GSG1: variants seen among roughly 807,000 people sequenced by gnomAD.
The protein encoded by GSG1 is germ cell-specific gene 1 protein.
A neutral mutation model predicts 30.8 loss-of-function variants in GSG1; 28 were observed. The observed-to-expected ratio is 0.91, with a 90% confidence interval of 0.67 to 1.25. The LOEUF (loss-of-function observed/expected upper bound fraction) is 1.25. GSG1 is among the 50% of genes most tolerant of loss of function. GSG1 has a pLI of 0.00. For synonymous variants in GSG1, 162 were observed against 178.0 expected (o/e 0.91, Z 0.71); for missense variants, 435 against 444.7 (o/e 0.98, Z 0.20).
Position 13,090,502 on chromosome 12 carries a change from C to T in GSG1, c.364+1G>A. ...CTCTTATATCCCAGAATGTAGGCTA[C>T]CTGGTTCTTCCACAGTTTCCTCACA... On this transcript the variant is annotated splice_donor_variant, in intron 2 of 6. Coordinates refer to ENST00000651961, the MANE Select transcript of GSG1 (RefSeq NM_001080555.4). LOFTEE classifies it high-confidence loss of function. 1 of 1,605,766 alleles carries T rather than the reference C, an allele frequency of 6.2e-7. No homozygotes were observed.
chr12:13,089,404 G>A, intron 2 of GSG1, 128 bp from the exon 3 acceptor site: 1 of 1,474,262 alleles, frequency 6.8e-7, no homozygotes, highest in Non-Finnish European at 9.1e-7. Context: ...GGCATTAGAA[G>A]AACTTTAGTA....
chr12:13,085,091 C>T lies in GSG1; in HGVS notation c.899G>A (p.Arg300Gln), dbSNP rs545591892. 37 of 1,613,552 alleles carry T rather than the reference C, an allele frequency of 2.3e-5. 1 individual carries two copies. The highest frequency in any genetic ancestry group is 5.3e-5 in the African/African-American group (4 of 74,998). The change falls in exon 7 of 7, where the codon CGG becomes CAG. Residue 300 changes from arginine (R) to glutamine (Q), a missense_variant. Transcript: ENST00000651961. ...GGTGGGGGCTGCACTTGACAGCCGC[C>T]GAGGGAAACACTGATGGTGATGTGG... is the stretch of plus-strand genomic sequence containing the variant. ...CLPHHHQCFP[R>Q]RLSSAAPTVG...
intron 1 of GSG1, among the ~76,000 whole-genome samples, chr12:13,091,692 A>G (rs1020283649): frequency 6.6e-6 from 1 of 152,348 alleles, no homozygotes; most frequent in African/African-American, 2.4e-5. Context: ...CAACAGGGCT[A>G]TCTGTCTCTA....
Position 13,101,781 on chromosome 12 carries a change from G to T in GSG1, c.48+1684C>A, listed in dbSNP as rs73296914. ...CCAGGCTCCCGTTCTAAGGGAAGGG[G>T]ATGTCTGCGTCTCATTGGGAAGACC... On this transcript the variant is annotated intron_variant, in intron 1 of 6. Transcript: ENST00000651961. This position sits in a 1 kb window ranked among gnomAD's most constrained non-coding sequence, Gnocchi z 5.8. 7.2e-3 allele frequency among the ~76,000 whole-genome samples: 1,104 copies of T among 152,328 alleles called. 14 individuals are homozygous for T. The highest frequency in any genetic ancestry group is 0.025 in the African/African-American group (1,049 of 41,570).
rs1865710524 is a variant in GSG1 at position 13,088,051 on chromosome 12, A to G, written c.490T>C (p.Trp164Arg). The change falls in exon 5 of 7, where the codon TGG (tryptophan) becomes CGG (arginine). Residue 164 changes from tryptophan (W) to arginine (R), a missense_variant. Transcript: ENST00000651961. ...GTGATCTGCGTTCCCAGGGATAACC[A>G]TAGGATTTCTGCCAGAAACCAGAGG... ...LTPPAKREILWLSLGTQITYI... is the reference protein window; with the variant it reads ...LTPPAKREILRLSLGTQITYI... 6 of 1,614,218 alleles carry G rather than the reference A, an allele frequency of 3.7e-6. No homozygotes were observed. The highest frequency in any genetic ancestry group is 3.3e-5 in the South Asian group (3 of 91,078).
At chr12:13,099,741 T>C (rs1191834770) in intron 1 of GSG1, among the ~76,000 whole-genome samples, 2 of 112,836 alleles carry the variant, frequency 1.8e-5, no homozygotes, top group African/African-American at 8.1e-5. Context: ...GGATCCGGTG[T>C]TTTTTTTTGT....
rs1213333844 is a variant in GSG1, at chr12:13,101,619, G to T, written c.48+1846C>A. Among the ~76,000 whole-genome samples, 1 of 152,256 alleles carries T rather than the reference G, an allele frequency of 6.6e-6. No homozygotes were observed. Among genetic ancestry groups the T allele is most frequent in the East Asian group, 1.9e-4 (1 of 5,190 alleles). ...GTCCCCTCTGCCGCCTGGCGAGGCT[G>T]CGCGGGAGGGCGGAGAGACTGGGTA... On this transcript the variant is annotated intron_variant, in intron 1 of 6. Coordinates refer to ENST00000651961, the MANE Select transcript of GSG1 (RefSeq NM_001080555.4). This position sits in a 1 kb window ranked among gnomAD's most constrained non-coding sequence, Gnocchi z 5.8.
In GSG1 at chr12:13,087,962, G is replaced by A; in HGVS notation, c.579C>T (p.Asn193=). The change falls in exon 5 of 7, where the codon AAC becomes AAT. Residue 193 remains asparagine (N), a synonymous_variant. Transcript: ENST00000651961. The part of the protein sequence containing the change: ...LLLTDLLLTG[N]PACGLKLSAF... Reference sequence around the variant, plus strand: ...CGCTCAGTTTGAGCCCACAGGCAGGGTTCCCAGTGAGTAGCAAGTCTGTTA... The same window carrying A: ...CGCTCAGTTTGAGCCCACAGGCAGGATTCCCAGTGAGTAGCAAGTCTGTTA... 6.2e-7 allele frequency: 1 copy of A among 1,614,242 alleles called. No homozygotes were observed. Among genetic ancestry groups the A allele is most frequent in the Non-Finnish European group, 8.5e-7 (1 of 1,180,044 alleles).
At chr12:13,095,603 G>C in intron 1 of GSG1, 1 of 1,614,184 alleles carries the variant, frequency 6.2e-7, no homozygotes, top group Non-Finnish European at 8.5e-7. Context: ...GGTTACCTTG[G>C]CCATGGTCAG....
chr12:13,088,157 C>T lies in GSG1; in HGVS notation c.482-98G>A, dbSNP rs150092885. The T allele has an allele frequency of 1.8e-4, 243 of 1,326,270 alleles. No individual in the cohort carries two copies. In the African/African-American group the frequency reaches 3.0e-3, roughly 16 times the overall value. The allele number at this position is 1,326,270 out of a possible 1,614,324, so 82.2% of individuals were successfully genotyped here. On this transcript the variant is annotated intron_variant, in intron 4 of 6. Transcript: ENST00000651961. ...TGCCTATTAGGAGTTAAGACCCTAG[C>T]AGCATCTGAGAAGGGGAGAATGAGG...
chr12:13,103,279 A>G (rs146914573), intron 1 of GSG1, among the ~76,000 whole-genome samples, 186 bp downstream of exon 1: 7 of 152,382 alleles, frequency 4.6e-5, no homozygotes, highest in Non-Finnish European at 8.8e-5. Flanking sequence ...AGTTTTATCT[A>G]TGAAAACTGG....
chr12:13,099,758 T>TGTTTG (rs1565551244), intron 1 of GSG1, among the ~76,000 whole-genome samples: 64 of 133,936 alleles, frequency 4.8e-4, no homozygotes, highest in African/African-American at 1.7e-3. Context: ...TTGTTTTTTT[T>TGTTTG]TTTTTTTTTT....
At position 13,089,174 on chromosome 12, in the gene GSG1, C is replaced by A. The variant is rs1179066609; in HGVS notation, c.433+34G>T. ...GCTTAGTGTTCCCATTTCCCGTGTCCAGAAGAGTTAATGATCTTAGTGTTA... is the reference window on the plus strand; with the variant it reads ...GCTTAGTGTTCCCATTTCCCGTGTCAAGAAGAGTTAATGATCTTAGTGTTA... On this transcript the variant is annotated intron_variant, in intron 3 of 6. Coordinates refer to ENST00000651961, the MANE Select transcript of GSG1 (RefSeq NM_001080555.4). 3 of 1,547,640 alleles carry A rather than the reference C, an allele frequency of 1.9e-6. No homozygotes were observed. The East Asian group carries it at 7.3e-5, about 38-fold the overall frequency.
chr12:13,087,833 G>A, intron 5 of GSG1, 74 bp downstream of exon 5: 1 of 1,494,896 alleles, frequency 6.7e-7, no homozygotes, highest in Admixed American at 2.1e-5. Flanking sequence ...TCAGGGCAAA[G>A]ACTCAAGCCC....
At chr12:13,100,192 T>G (rs1443263984) in intron 1 of GSG1, among the ~76,000 whole-genome samples, 1 of 152,376 alleles carries the variant, frequency 6.6e-6, no homozygotes, top group East Asian at 1.9e-4. Context: ...AAAAGGTTTA[T>G]GGATACAATT....
At chr12:13,089,889 A>C (rs1865914700) in intron 2 of GSG1, among the ~76,000 whole-genome samples, 1 of 152,280 alleles carries the variant, frequency 6.6e-6, no homozygotes, top group Admixed American at 6.5e-5. Context: ...TGTCTCTCTA[A>C]AAATACAAAA....
At chr12:13,095,562 C>T in intron 1 of GSG1, 1 of 1,595,140 alleles carries the variant, frequency 6.3e-7, no homozygotes, top group Non-Finnish European at 8.6e-7. Context: ...TAGCTGTAGA[C>T]TGCATCCTTT....
In GSG1 at chr12:13,102,031, C is replaced by T. The variant is rs1234770421; in HGVS notation, c.48+1434G>A. ...AAGCAGAAACGAAGGGGAAGTGCAC[C>T]TGTGCTACCAGCAGACACCTTGCTA... On this transcript the variant is annotated intron_variant, in intron 1 of 6. Coordinates refer to ENST00000651961, the MANE Select transcript of GSG1 (RefSeq NM_001080555.4). Among the ~76,000 whole-genome samples the T allele has an allele frequency of 2.0e-5, 3 of 152,162 alleles. No individual in the cohort carries two copies. The East Asian group carries it at 5.8e-4, about 29-fold the overall frequency.
At chr12:13,094,925 C>T (rs567863079) in intron 1 of GSG1, among the ~76,000 whole-genome samples, 3 of 152,214 alleles carry the variant, frequency 2.0e-5, no homozygotes, top group Non-Finnish European at 2.9e-5. Context: ...GAAAGAATAA[C>T]GAACCCCATA....
Sources: allele counts gnomAD v4.1 joint callset (sites outside exome capture counted in the v4.1 genomes callset), GRCh38; gene constraint gnomAD v4.1.1; non-coding constraint Gnocchi (gnomAD v3.1); transcripts MANE v1.5; gene names NCBI Gene and HGNC (gene_info 2026-07-23, HGNC 2026-07-21).